The following FOCAD variants were observed in gnomAD, a reference collection of about 807,000 sequenced individuals.
FOCAD encodes focadhesin, also known as KIAA1797.
A neutral mutation model predicts 225.6 loss-of-function variants in FOCAD; 198 were observed. The observed-to-expected ratio is 0.88, with a 90% CI of 0.78 to 0.99. FOCAD has a LOEUF of 0.99. FOCAD is among the 50% of genes least tolerant of loss of function. FOCAD has a pLI of 0.00. For missense variants in FOCAD, 2,713 were observed against 2,123.6 expected (o/e 1.28, Z -5.46); for synonymous variants, 897 against 755.0 (o/e 1.19, Z -3.08).
chr9:20,871,451 T>C (rs1000235340), intron 18 of FOCAD, among the ~76,000 whole-genome samples: 1 of 152,014 alleles, frequency 6.6e-6, no homozygotes, highest in African/African-American at 2.4e-5. Flanking sequence ...ACAGGAATTC[T>C]TTCAACTGAG....
At chr9:20,909,813 G>A (rs1259285635) in intron 22 of FOCAD, among the ~76,000 whole-genome samples, 1 of 151,974 alleles carries the variant, frequency 6.6e-6, no homozygotes, top group Non-Finnish European at 1.5e-5. Flanking sequence ...TAGAATAATT[G>A]GAGCAACTGC....
Position 20,866,917 on chromosome 9 carries a change from T to TTTTTTAAAAAAAA in FOCAD, c.2107-12_2107-11insTTTTTAAAAAAAA. On this transcript the variant is annotated splice_polypyrimidine_tract_variant and intron_variant, in intron 17 of 43. Transcript: ENST00000338382. The stretch of plus-strand genomic sequence containing the variant: ...TTTTTTTTTTTTTTTTTTTTTTTTT[T>TTTTTTAAAAAAAA]ACCCTATCTAGGACCCAATTGTAGC... 2 of 764,972 alleles carry TTTTTTAAAAAAAA rather than the reference T, an allele frequency of 2.6e-6. No homozygotes were observed. Among genetic ancestry groups the TTTTTTAAAAAAAA allele is most frequent in the Non-Finnish European group, 4.0e-6 (2 of 498,468 alleles). 47.4% of individuals were successfully genotyped at this position (764,972 alleles called of 1,614,324 possible).
intron 2 of FOCAD, among the ~76,000 whole-genome samples, chr9:20,717,229 T>C (rs1177013375): frequency 6.6e-6 from 1 of 152,180 alleles, no homozygotes; most frequent in African/African-American, 2.4e-5. Flanking sequence ...ATTTGAGCTG[T>C]TCTGGAGACT....
chr9:20,686,439 C>A (rs1404308014), intron 1 of FOCAD, among the ~76,000 whole-genome samples: 1 of 152,146 alleles, frequency 6.6e-6, no homozygotes, highest in Admixed American at 6.5e-5. Context: ...TAGAAATGGA[C>A]CTGATCAAGA....
chr9:20,762,669 A>G (rs906120023), intron 6 of FOCAD, among the ~76,000 whole-genome samples: 59 of 152,320 alleles, frequency 3.9e-4, no homozygotes, highest in African/African-American at 1.4e-3. Context: ...ATTATAATTA[A>G]AAAGAATTCC....
chr9:20,926,225 A>C, intron 25 of FOCAD, 76 bp from the exon 26 acceptor site: 1 of 871,504 alleles, frequency 1.1e-6, no homozygotes, highest in Non-Finnish European at 1.9e-6. Context: ...TATAGAAGGG[A>C]GTTACACCTT....
At chr9:20,837,472 G>T (rs1009714853) in intron 15 of FOCAD, among the ~76,000 whole-genome samples, 1 of 151,964 alleles carries the variant, frequency 6.6e-6, no homozygotes, top group Admixed American at 6.6e-5. Flanking sequence ...TGACTAAAAT[G>T]ATGGTAATTG....
chr9:20,848,146 A>T (rs994354641), intron 15 of FOCAD, among the ~76,000 whole-genome samples: 1 of 147,558 alleles, frequency 6.8e-6, no homozygotes, highest in Non-Finnish European at 1.5e-5. Context: ...AATCCTTCAG[A>T]TGAAGATCCA....
At chr9:20,667,836 A>C (rs1023738938) in intron 2 of FOCAD, among the ~76,000 whole-genome samples, 3 of 152,102 alleles carry the variant, frequency 2.0e-5, no homozygotes, top group African/African-American at 4.8e-5. Context: ...ATGAAAAAAA[A>C]CCTCCCTAAT....
At position 20,770,105 on chromosome 9, in the gene FOCAD, C is replaced by G; in HGVS notation, c.773C>G (p.Pro258Arg). ...GTATGTTTAAGCCTTTTGCGTCATC[C>G]TGTTTTCTGGAAAATTCAGCTTACC... The part of the protein sequence containing the change: ...EEVCLSLLRH[P>R]VFWKIQLTQM... The change falls in exon 8 of 44, where the codon CCT becomes CGT. Residue 258 changes from proline to arginine, a missense_variant. By Grantham distance (103) the Pro-to-Arg change is moderately radical. Transcript: ENST00000338382. 3 of 1,614,086 alleles carry G rather than the reference C, an allele frequency of 1.9e-6. No individual in the cohort carries two copies. Among genetic ancestry groups the G allele is most frequent in the Non-Finnish European group, 1.7e-6 (2 of 1,180,008 alleles).
intron 35 of FOCAD, among the ~76,000 whole-genome samples, chr9:20,967,841 A>G (rs781098451): frequency 2.6e-5 from 4 of 152,128 alleles, no homozygotes; most frequent in Admixed American, 2.6e-4. Context: ...ATCACAGTAT[A>G]TAATCTTTTT....
At chr9:20,810,936 C>A (rs747370333) in intron 11 of FOCAD, among the ~76,000 whole-genome samples, 13 of 151,938 alleles carry the variant, frequency 8.6e-5, no homozygotes, top group Non-Finnish European at 1.8e-4. Context: ...AAATTTATAC[C>A]TCAGATTCTG....
intron 6 of FOCAD, among the ~76,000 whole-genome samples, chr9:20,761,889 A>G (rs1303773730): frequency 6.6e-6 from 1 of 151,888 alleles, no homozygotes. Flanking sequence ...TTTAATATTC[A>G]TTTTTTCCTA....
intron 11 of FOCAD, 64 bp downstream of exon 11, chr9:20,789,672 T>C: frequency 6.3e-7 from 1 of 1,576,612 alleles, no homozygotes; most frequent in Non-Finnish European, 8.7e-7. Flanking sequence ...ATGTAGATTA[T>C]TCCTGCTTTG....
intron 35 of FOCAD, among the ~76,000 whole-genome samples, chr9:20,972,251 T>G (rs759944672): frequency 2.6e-5 from 4 of 152,154 alleles, no homozygotes; most frequent in Non-Finnish European, 5.9e-5. Flanking sequence ...AAGTGTACAT[T>G]AGGGTTCCAT....
chr9:20,859,940 G>T (rs1439983090), intron 15 of FOCAD, among the ~76,000 whole-genome samples: 1 of 151,906 alleles, frequency 6.6e-6, no homozygotes, highest in Non-Finnish European at 1.5e-5. Context: ...GAATGATTAT[G>T]AGTTTTTTTG....
chr9:20,858,905 T>C (rs1828489174), intron 15 of FOCAD, among the ~76,000 whole-genome samples: 4 of 152,212 alleles, frequency 2.6e-5, no homozygotes, highest in Non-Finnish European at 2.9e-5. Context: ...AAATTCTTCC[T>C]GTTACTGATT....
intron 1 of FOCAD, among the ~76,000 whole-genome samples, chr9:20,714,660 C>G (rs1161214816): frequency 6.2e-5 from 9 of 144,840 alleles, no homozygotes; most frequent in African/African-American, 2.5e-4. Flanking sequence ...TCCTTCCTTC[C>G]TTCCTTCCTT....
chr9:20,915,724 C>A (rs893336567), intron 23 of FOCAD, among the ~76,000 whole-genome samples: 3 of 152,010 alleles, frequency 2.0e-5, no homozygotes, highest in African/African-American at 7.3e-5. Context: ...AGGGTAGATA[C>A]TACAGTATGT....
Sources: allele counts gnomAD v4.1 joint callset (sites outside exome capture counted in the v4.1 genomes callset), GRCh38; gene constraint gnomAD v4.1.1; transcripts MANE v1.5; gene names NCBI Gene and HGNC (gene_info 2026-07-23, HGNC 2026-07-21).